LTF: variants seen among roughly 807,000 people sequenced by gnomAD.
LTF encodes lactotransferrin.
In LTF, 91 loss-of-function variants were observed where a neutral mutation model predicts 87.2. The observed-to-expected ratio is 1.04, with a 90% CI of 0.88 to 1.24. The LOEUF (loss-of-function observed/expected upper bound fraction) is 1.24, where lower values mean the gene tolerates loss of function less well. Ranked by LOEUF, LTF falls within the 50% of genes most tolerant of loss-of-function variation. The probability of loss-of-function intolerance (pLI) is 0.00; values close to 1 mark genes in which losing one functional copy is unlikely to be tolerated. For missense variants in LTF, 901 were observed against 904.3 expected (o/e 1.00, Z 0.05); for synonymous variants, 378 against 356.1 (o/e 1.06, Z -0.69).
chr3:46,454,435 G>A, intron 5 of LTF, 75 bp from the exon 6 acceptor site: 2 of 1,225,520 alleles, frequency 1.6e-6, no homozygotes, highest in Non-Finnish European at 2.4e-6. Flanking sequence ...AGTAGCCCTG[G>A]CACTCAGCAT....
At chr3:46,475,544 AC>A (rs1703350037) in intron 1 of LTF, among the ~76,000 whole-genome samples, 1 of 151,068 alleles carries the variant, frequency 6.6e-6, no homozygotes, top group Non-Finnish European at 1.5e-5. Flanking sequence ...ACACACACAC[AC>A]ACACACACAC....
intron 11 of LTF, 45 bp downstream of exon 11, chr3:46,446,395 A>G (rs755209859): frequency 3.9e-6 from 6 of 1,534,376 alleles, no homozygotes; most frequent in South Asian, 1.1e-5. Flanking sequence ...TCTTCCAGCA[A>G]CAAGAACTTA....
At chr3:46,480,529 A>G (rs1703419052) in intron 1 of LTF, among the ~76,000 whole-genome samples, 1 of 152,226 alleles carries the variant, frequency 6.6e-6, no homozygotes, top group Admixed American at 6.5e-5. Context: ...TTTTCTCTGC[A>G]TGGTCCCTAT....
At chr3:46,454,133 G>T in intron 6 of LTF, 172 bp downstream of exon 6, 1 of 671,950 alleles carries the variant, frequency 1.5e-6, no homozygotes. Context: ...CAGGAGGTTT[G>T]AAGAAAACTG....
intron 1 of LTF, among the ~76,000 whole-genome samples, chr3:46,476,842 C>T (rs1357479792): frequency 6.6e-6 from 1 of 152,280 alleles, no homozygotes; most frequent in East Asian, 1.9e-4. Flanking sequence ...TTATTAGATT[C>T]TCCAATGTTG....
intron 1 of LTF, chr3:46,484,924 C>G (rs531378898): frequency 1.1e-4 from 17 of 152,366 alleles, no homozygotes; most frequent in African/African-American, 3.1e-4. Flanking sequence ...GCTTACAGAC[C>G]CTCTCTGGGA....
chr3:46,477,985 C>T (rs1703382749), intron 1 of LTF, among the ~76,000 whole-genome samples: 1 of 152,144 alleles, frequency 6.6e-6, no homozygotes, highest in Admixed American at 6.5e-5. Flanking sequence ...CCCAGTCTTC[C>T]TTCTCAAGCT....
chr3:46,447,629 T>A (rs1292849661), intron 9 of LTF, among the ~76,000 whole-genome samples: 1 of 152,210 alleles, frequency 6.6e-6, no homozygotes, highest in Non-Finnish European at 1.5e-5. Flanking sequence ...AGGCACAGGT[T>A]GCACTAATCC....
upstream of LTF, among the ~76,000 whole-genome samples, chr3:46,467,567 T>G (rs1703231521): frequency 6.6e-6 from 1 of 151,970 alleles, no homozygotes; most frequent in Admixed American, 6.6e-5. Context: ...CAGTGACCAA[T>G]TACCTGAGCA....
chr3:46,473,912 ATG>A (rs1703324943), intron 1 of LTF, among the ~76,000 whole-genome samples: 1 of 152,256 alleles, frequency 6.6e-6, no homozygotes, highest in Non-Finnish European at 1.5e-5. Context: ...GTGATAAATC[ATG>A]TGTGTACTAA....
intron 2 of LTF, among the ~76,000 whole-genome samples, chr3:46,458,798 C>G (rs112393737): frequency 0.058 from 8,880 of 152,268 alleles, 875 homozygotes; most frequent in African/African-American, 0.2. Flanking sequence ...TGGTTTTGAA[C>G]TACTGACCTC....
chr3:46,451,338 AAAT>A (rs1702797360), intron 6 of LTF, among the ~76,000 whole-genome samples: 1 of 152,232 alleles, frequency 6.6e-6, no homozygotes, highest in Admixed American at 6.5e-5. Context: ...CAAAATTTGT[AAAT>A]AACGTACTAA....
chr3:46,459,764 G>T lies in LTF; in HGVS notation c.99C>A (p.Pro33=). The T allele has an allele frequency of 6.4e-7, 1 of 1,563,078 alleles. No homozygotes were observed. The highest frequency in any genetic ancestry group is 8.6e-7 in the Non-Finnish European group (1 of 1,163,010). ...RSVQWCAVSQ[P]EATKCFQWQR... ...GCCATTGGAAGCATTTTGTGGCCTC[G>T]GGTTGGGATACGGCGCACCACTGAA... is the stretch of plus-strand genomic sequence containing the variant. The change falls in exon 2 of 17, where the codon CCC becomes CCA. Residue 33 remains proline (P), a synonymous_variant. Transcript: ENST00000231751.
intron 4 of LTF, 126 bp from the exon 5 acceptor site, chr3:46,455,568 A>C (rs961902933): frequency 2.8e-5 from 36 of 1,281,684 alleles, no homozygotes; most frequent in Non-Finnish European, 3.8e-5. Flanking sequence ...AGACTCTGTC[A>C]TGGGGCTGGG....
At chr3:46,473,337 A>G (rs1703318568) in intron 1 of LTF, among the ~76,000 whole-genome samples, 1 of 152,206 alleles carries the variant, frequency 6.6e-6, no homozygotes, top group Non-Finnish European at 1.5e-5. Flanking sequence ...ATGTGTACTC[A>G]ACTGTGAACA....
At chr3:46,462,613 T>C (rs1575323188) in intron 1 of LTF, among the ~76,000 whole-genome samples, 1 of 152,112 alleles carries the variant, frequency 6.6e-6, no homozygotes, top group East Asian at 1.9e-4. Context: ...TCCTGGAAAG[T>C]CTCCAATGCT....
At chr3:46,442,968 G>A (rs144512478) in intron 13 of LTF, among the ~76,000 whole-genome samples, 1,682 of 152,206 alleles carry the variant, frequency 0.011, 42 homozygotes, top group African/African-American at 0.039. Flanking sequence ...TTTTCACTTC[G>A]TTACTGGAGA....
chr3:46,482,852 GAGAC>G (rs776350277), intron 1 of LTF, among the ~76,000 whole-genome samples: 40 of 151,302 alleles, frequency 2.6e-4, no homozygotes, highest in Non-Finnish European at 3.4e-4. Context: ...GGAGGGACAA[GAGAC>G]AGACAGAGAG....
chr3:46,454,101 G>A, intron 6 of LTF: 1 of 586,996 alleles, frequency 1.7e-6, no homozygotes, highest in East Asian at 2.8e-5. Context: ...TGTCTATGAG[G>A]GGAAGAGAAA....
Sources: gnomAD v4.1 joint callset for allele counts (sites outside exome capture counted in the v4.1 genomes callset) on GRCh38, gnomAD v4.1.1 for gene constraint, MANE v1.5 for transcripts, NCBI Gene and HGNC (gene_info 2026-07-23, HGNC 2026-07-21) for gene names.